The following ZC3HAV1 variants were observed in gnomAD, a reference collection of about 807,000 sequenced individuals.
ZC3HAV1 encodes zinc finger CCCH-type antiviral protein 1.
Under a neutral mutation model 86.6 loss-of-function variants are expected in ZC3HAV1, and 41 were observed. The ratio of observed to expected loss-of-function variants is 0.47; its 90% confidence interval spans 0.37 to 0.61. The LOEUF (loss-of-function observed/expected upper bound fraction) is 0.61, where lower values mean the gene tolerates loss of function less well. Among genes scored for constraint, ZC3HAV1 ranks in the 20% least tolerant of loss-of-function variants. ZC3HAV1 has a pLI of 0.00. For missense variants in ZC3HAV1, 964 were observed against 1,141.1 expected, an observed-to-expected ratio of 0.84 and a Z score of 2.24; for synonymous variants, 421 against 432.1, an observed-to-expected ratio of 0.97 and a Z score of 0.32.
At chr7:139,090,302 T>C (rs1817393609) in intron 1 of ZC3HAV1, among the ~76,000 whole-genome samples, 1 of 152,138 alleles carries the variant, frequency 6.6e-6, no homozygotes, top group Non-Finnish European at 1.5e-5. Context: ...AAAAACTCCT[T>C]AGTGTGCTTA....
rs1254850604 is a variant in ZC3HAV1 at position 139,047,214 on chromosome 7, A to C, written c.*380T>G. ...CGCGGCAGTGTGTGCCTGTAGTTCC[A>C]GCTACTCGGGAGGCTGAGGCAGGAG... On this transcript the variant is annotated 3_prime_UTR_variant, in exon 13 of 13. Coordinates refer to ENST00000242351, the MANE Select transcript of ZC3HAV1 (RefSeq NM_020119.4). 5 of 247,444 alleles carry C rather than the reference A, an allele frequency of 2.0e-5. No individual in the cohort carries two copies. 15.3% of individuals were successfully genotyped at this position (247,444 alleles called of 1,614,324 possible). A position where few individuals can be genotyped will look rare whatever the true frequency, so the allele number is the denominator to read the frequency against.
In ZC3HAV1 at chr7:139,080,196, T is replaced by G. The variant is rs200555565; in HGVS notation, c.745A>C (p.Ser249Arg). ...RNMAYRARSK[S>R]RDRFFQGSQE... The stretch of plus-strand genomic sequence containing the variant: ...CTGCCCTGAAAGAACCGATCTCTAC[T>G]CTTGCTTCTAGCCCTATATGCCATG... The change falls in exon 4 of 13, where the codon AGT becomes CGT. Residue 249 changes from serine (S) to arginine (R), a missense_variant. Coordinates refer to ENST00000242351, the MANE Select transcript of ZC3HAV1 (RefSeq NM_020119.4). 22 of 1,613,792 alleles carry G rather than the reference T, an allele frequency of 1.4e-5. No individual in the cohort carries two copies. In the East Asian group the frequency reaches 4.9e-4, roughly 36 times the overall value.
rs779151302 is a variant in ZC3HAV1, at chr7:139,064,955, C to T, written c.1917G>A (p.Glu639=). 1 of 1,614,174 alleles carries T rather than the reference C, an allele frequency of 6.2e-7. No homozygotes were observed. Among genetic ancestry groups the T allele is most frequent in the East Asian group, 2.2e-5 (1 of 44,888 alleles). Residue 639 remains glutamate (E), a synonymous_variant, in exon 8 of 13, where the codon GAG becomes GAA. Transcript: ENST00000242351. ...KNSNVDSSYL[E]SLYQSCPRGV... is the part of the protein sequence containing the mutation. The stretch of plus-strand genomic sequence containing the variant: ...CCCTCGGACAGGATTGATAGAGAGA[C>T]TCCAGGTATGAAGAGTCGACGTTTG...
chr7:139,054,100 TAA>T lies in ZC3HAV1; in HGVS notation c.2188-7_2188-6del. 1 of 1,564,510 alleles carries T rather than the reference TAA, an allele frequency of 6.4e-7. No individual in the cohort carries two copies. Among genetic ancestry groups the T allele is most frequent in the Non-Finnish European group, 8.6e-7 (1 of 1,164,142 alleles). ...TAGGTGATGGATCTCTGACAACTAATAAAGTTTAAAAATAGATAAATGTGAAA... is the reference window on the plus strand; with the variant it reads ...TAGGTGATGGATCTCTGACAACTAATAGTTTAAAAATAGATAAATGTGAAA... On this transcript the variant is annotated splice_polypyrimidine_tract_variant and splice_region_variant and intron_variant, in intron 10 of 12. Coordinates refer to ENST00000242351, the MANE Select transcript of ZC3HAV1 (RefSeq NM_020119.4).
chr7:139,068,488 A>G (rs1816672769), intron 7 of ZC3HAV1, among the ~76,000 whole-genome samples: 1 of 152,248 alleles, frequency 6.6e-6, no homozygotes. Context: ...CCAGAGTGGC[A>G]TATTTTTAAC....
At chr7:139,095,406 G>C (rs1817555454) in intron 1 of ZC3HAV1, among the ~76,000 whole-genome samples, 1 of 152,134 alleles carries the variant, frequency 6.6e-6, no homozygotes, top group South Asian at 2.1e-4. Context: ...CGAAGGATGT[G>C]GGGAGACACA....
chr7:139,088,031 C>CAAAAAA (rs10544425), intron 2 of ZC3HAV1, among the ~76,000 whole-genome samples: 29 of 57,852 alleles, frequency 5.0e-4, no homozygotes, highest in African/African-American at 7.6e-4. Flanking sequence ...GATCCTGTCT[C>CAAAAAA]AAAAAAAAAA....
intron 1 of ZC3HAV1, among the ~76,000 whole-genome samples, chr7:139,100,926 T>C (rs974557109): frequency 5.9e-5 from 9 of 152,186 alleles, no homozygotes; most frequent in Non-Finnish European, 1.5e-5. Flanking sequence ...CCATCTCGGC[T>C]CACTGCAACC....
Position 139,047,706 on chromosome 7 carries a change from C to T in ZC3HAV1, c.2597G>A (p.Ser866Asn). The T allele has an allele frequency of 1.2e-5, 20 of 1,614,150 alleles. No individual in the cohort carries two copies. The highest frequency in any genetic ancestry group is 1.7e-5 in the Non-Finnish European group (20 of 1,180,030). Residue 866 changes from serine to asparagine, a missense_variant, in exon 13 of 13, where the codon AGC (serine) becomes AAC (asparagine). Transcript: ENST00000242351. ...TYTSPPPQFD[S>N]CVDTRSNPSV... ...GGGATTCGATCTGGTATCCACACAG[C>T]TGTCGAACTGTGGAGGAGGGCTCGT...
At position 139,108,290 on chromosome 7, in the gene ZC3HAV1, C is replaced by T. The variant is rs1303488407; in HGVS notation, c.308+734G>A. Among the ~76,000 whole-genome samples the T allele has an allele frequency of 3.3e-5, 5 of 151,006 alleles. No individual in the cohort carries two copies. The East Asian group carries it at 9.6e-4, about 29-fold the overall frequency. On this transcript the variant is annotated intron_variant, in intron 1 of 12. Coordinates refer to ENST00000242351, the MANE Select transcript of ZC3HAV1 (RefSeq NM_020119.4). This position sits in a 1 kb window ranked among gnomAD's most constrained non-coding sequence, Gnocchi z 4.2. The stretch of plus-strand genomic sequence containing the variant: ...TTAGACGAAAAAAAAAAAAGGCAAA[C>T]GGAAACAACAGAAGCAGTGGCCCGA...
intron 12 of ZC3HAV1, 137 bp from the exon 13 acceptor site, chr7:139,047,990 T>G: frequency 2.2e-6 from 2 of 907,634 alleles, no homozygotes; most frequent in Non-Finnish European, 3.3e-6. Flanking sequence ...TAAACTTTCC[T>G]TTGCACTTAA....
At chr7:139,066,308 C>T (rs1052864538) in intron 7 of ZC3HAV1, among the ~76,000 whole-genome samples, 3 of 152,154 alleles carry the variant, frequency 2.0e-5, no homozygotes, top group African/African-American at 7.2e-5. Context: ...AGTGGAAATG[C>T]CTGCTGGTTG....
At chr7:139,059,902 C>T (rs891386573) in intron 9 of ZC3HAV1, among the ~76,000 whole-genome samples, 2 of 152,102 alleles carry the variant, frequency 1.3e-5, no homozygotes, top group Admixed American at 6.6e-5. Context: ...CCCAAGCAAC[C>T]GTGAGGAAGG....
At chr7:139,096,596 CTA>C (rs1584870824) in intron 1 of ZC3HAV1, among the ~76,000 whole-genome samples, 1 of 152,088 alleles carries the variant, frequency 6.6e-6, no homozygotes, top group African/African-American at 2.4e-5. Flanking sequence ...CAAAAGTTTC[CTA>C]TGTCTTTTGG....
At chr7:139,092,418 G>A (rs1817463593) in intron 1 of ZC3HAV1, among the ~76,000 whole-genome samples, 1 of 152,182 alleles carries the variant, frequency 6.6e-6, no homozygotes, top group Non-Finnish European at 1.5e-5. Context: ...ACAAGGTTGG[G>A]CATTACATAG....
intron 7 of ZC3HAV1, among the ~76,000 whole-genome samples, chr7:139,070,921 G>T (rs1471157466): frequency 1.3e-5 from 2 of 151,946 alleles, no homozygotes; most frequent in East Asian, 3.9e-4. Flanking sequence ...GGCAGAGGCT[G>T]CAGTGAGCCG....
chr7:139,045,615 T>C lies in ZC3HAV1; in HGVS notation c.*1979A>G, dbSNP rs7803490. 0.55 allele frequency: 83,675 copies of C among 151,802 alleles called. 23,850 individuals are homozygous for C. Among genetic ancestry groups the C allele is most frequent in the African/African-American group, 0.69 (28,728 of 41,348 alleles). 9.4% of individuals were successfully genotyped at this position (151,802 alleles called of 1,614,324 possible). On this transcript the variant is annotated 3_prime_UTR_variant, in exon 13 of 13. Coordinates refer to ENST00000242351, the MANE Select transcript of ZC3HAV1 (RefSeq NM_020119.4). Reference sequence around the variant, plus strand: ...GCTTGAGCCAATGGGTAGATGGTGATGCTTTTCACTTACATACAGATCCTG... The same window carrying C: ...GCTTGAGCCAATGGGTAGATGGTGACGCTTTTCACTTACATACAGATCCTG...
chr7:139,097,428 A>ATATATTTTTT, intron 1 of ZC3HAV1, among the ~76,000 whole-genome samples: 20 of 48,154 alleles, frequency 4.2e-4, no homozygotes, highest in African/African-American at 2.0e-3. Flanking sequence ...ATATATATAT[A>ATATATTTTTT]TTTTTTTTTT....
At chr7:139,066,890 A>G (rs200371904) in intron 7 of ZC3HAV1, among the ~76,000 whole-genome samples, 1 of 152,306 alleles carries the variant, frequency 6.6e-6, no homozygotes, top group East Asian at 1.9e-4. Flanking sequence ...AAACATTGAC[A>G]TACATGTGAG....
Sources: allele counts gnomAD v4.1 joint callset (sites outside exome capture counted in the v4.1 genomes callset), GRCh38; gene constraint gnomAD v4.1.1; non-coding constraint Gnocchi (gnomAD v3.1); transcripts MANE v1.5; gene names NCBI Gene and HGNC (gene_info 2026-07-23, HGNC 2026-07-21).